The following DNAH3 variants were observed in gnomAD, a reference collection of about 807,000 sequenced individuals.
DNAH3 encodes the protein dynein axonemal heavy chain 3.
In DNAH3, 332 loss-of-function variants were observed where a neutral mutation model predicts 432.5. The observed-to-expected ratio is 0.77, with a 90% confidence interval of 0.70 to 0.84. DNAH3 has a LOEUF of 0.84. Among genes scored for constraint, DNAH3 ranks in the 40% least tolerant of loss-of-function variants. DNAH3 has a pLI of 0.00. For synonymous variants in DNAH3, 1,956 were observed against 1,900.2 expected (o/e 1.03, Z -0.76); for missense variants, 4,861 against 5,114.0 (o/e 0.95, Z 1.51).
At chr16:21,131,226 A>T (rs112633609) in intron 7 of DNAH3, among the ~76,000 whole-genome samples, 2,892 of 152,120 alleles carry the variant, frequency 0.019, 100 homozygotes, top group African/African-American at 0.065. Context: ...AGTCCCAGCT[A>T]CTTGGGAGGC....
chr16:21,012,549 C>T (rs73538208), intron 41 of DNAH3, among the ~76,000 whole-genome samples: 2,648 of 152,220 alleles, frequency 0.017, 72 homozygotes, highest in African/African-American at 0.06. Flanking sequence ...ATATCACAGT[C>T]GGATACTTCA....
At chr16:20,953,464 A>G (rs776808159) in intron 55 of DNAH3, among the ~76,000 whole-genome samples, 6 of 151,996 alleles carry the variant, frequency 3.9e-5, no homozygotes, top group African/African-American at 7.2e-5. Context: ...CAGGTTCAAT[A>G]GAGAAGTTTA....
At chr16:21,109,254 G>A (rs2092016308) in intron 14 of DNAH3, among the ~76,000 whole-genome samples, 1 of 152,178 alleles carries the variant, frequency 6.6e-6, no homozygotes, top group Admixed American at 6.5e-5. Flanking sequence ...AAAGCTGCTT[G>A]CACATGGACT....
chr16:20,975,399 C>T, exon 51 of DNAH3: 2 of 1,614,004 alleles, frequency 1.2e-6, no homozygotes, highest in Non-Finnish European at 1.7e-6. Context: ...TGTCAGTTCT[C>T]TTTGCATAAC....
chr16:21,143,874 G>C (rs2092750502), intron 3 of DNAH3, among the ~76,000 whole-genome samples: 1 of 152,206 alleles, frequency 6.6e-6, no homozygotes, highest in African/African-American at 2.4e-5. Flanking sequence ...TGGAAAGATA[G>C]TCATTTAAAC....
At chr16:21,040,485 C>G (rs1158282296) in intron 32 of DNAH3, among the ~76,000 whole-genome samples, 1 of 150,866 alleles carries the variant, frequency 6.6e-6, no homozygotes, top group Non-Finnish European at 1.5e-5. Flanking sequence ...GTGCCTCAGC[C>G]TCCCAAACAC....
intron 19 of DNAH3, among the ~76,000 whole-genome samples, chr16:21,084,947 C>A (rs528903462): frequency 1.3e-5 from 2 of 152,272 alleles, no homozygotes; most frequent in South Asian, 2.1e-4. Flanking sequence ...ACCTGTCCCA[C>A]CTAAGCTCCC....
rs1409702447 is a variant in DNAH3 at position 21,064,870 on chromosome 16, T to G, written c.3519-2187A>C. ...ATAAATATTGAGGTAGGTGTGTGTG[T>G]GTGTGTGTGTGTGTGTGTGTGTGTG... On this transcript the variant is annotated intron_variant, in intron 24 of 61. Coordinates refer to ENST00000261383, the Ensembl canonical transcript of DNAH3. Among the ~76,000 whole-genome samples, 79 of 124,776 alleles carry G rather than the reference T, an allele frequency of 6.3e-4. 1 individual carries two copies. Among genetic ancestry groups the G allele is most frequent in the Middle Eastern group, 4.3e-3 (1 of 232 alleles). The allele number at this position is 124,776 out of a possible 152,430, so 81.9% of individuals were successfully genotyped here.
intron 35 of DNAH3, among the ~76,000 whole-genome samples, chr16:21,035,520 T>C (rs1227458484): frequency 6.6e-6 from 1 of 152,098 alleles, no homozygotes; most frequent in Non-Finnish European, 1.5e-5. Context: ...CTTTGAAATA[T>C]ATCAAAAAGT....
chr16:20,951,365 C>T (rs898330656), intron 56 of DNAH3, among the ~76,000 whole-genome samples: 1 of 151,924 alleles, frequency 6.6e-6, no homozygotes, highest in African/African-American at 2.4e-5. Context: ...ATCATCTCCT[C>T]CTCCTACCCC....
At chr16:20,937,529 CTTTTTTT>C (rs71377696) in intron 59 of DNAH3, among the ~76,000 whole-genome samples, 1 of 121,342 alleles carries the variant, frequency 8.2e-6, no homozygotes, top group East Asian at 2.3e-4. Context: ...CAAAGTTGTT[CTTTTTTT>C]TTTTTTTTTT....
chr16:21,129,154 TCTC>T (rs1207784610), intron 7 of DNAH3: 1 of 152,354 alleles, frequency 6.6e-6, no homozygotes, highest in African/African-American at 2.4e-5. Context: ...CCCCTCCCCA[TCTC>T]CTCTCCTACC....
At chr16:21,071,854 C>T (rs2090795308) in intron 21 of DNAH3, among the ~76,000 whole-genome samples, 1 of 152,114 alleles carries the variant, frequency 6.6e-6, no homozygotes, top group African/African-American at 2.4e-5. Flanking sequence ...ATTCCTGCTT[C>T]TTCACTTGCT....
chr16:20,953,799 C>T (rs754690805), intron 55 of DNAH3, among the ~76,000 whole-genome samples: 7 of 151,088 alleles, frequency 4.6e-5, no homozygotes, highest in African/African-American at 7.3e-5. Context: ...GTTTGGAGTG[C>T]AGTGGCACAA....
At position 20,957,800 on chromosome 16, in the gene DNAH3, T is replaced by C. The variant is rs2084631507; in HGVS notation, c.10826+1379A>G. Among the ~76,000 whole-genome samples the C allele has an allele frequency of 5.3e-5, 3 of 56,622 alleles. No individual in the cohort carries two copies. In the South Asian group the frequency reaches 1.8e-3, roughly 35 times the overall value. 37.1% of individuals were successfully genotyped at this position (56,622 alleles called of 152,430 possible). Reference sequence around the variant, plus strand: ...CCAGCCTGGGCAATAAGAGCGAAACTCCATCTCCAAAAAAAAAAAAAAAAA... The same window carrying C: ...CCAGCCTGGGCAATAAGAGCGAAACCCCATCTCCAAAAAAAAAAAAAAAAA... On this transcript the variant is annotated intron_variant, in intron 54 of 61. Coordinates refer to ENST00000261383, the Ensembl canonical transcript of DNAH3.
intron 49 of DNAH3, among the ~76,000 whole-genome samples, chr16:20,981,395 T>C (rs143097795): frequency 4.6e-5 from 7 of 152,320 alleles, no homozygotes; most frequent in Non-Finnish European, 1.0e-4. Context: ...CCATTGACAC[T>C]CTTACCCCTA....
chr16:20,963,102 C>T (rs1330461032), intron 53 of DNAH3, among the ~76,000 whole-genome samples, 182 bp downstream of exon 53: 3 of 152,166 alleles, frequency 2.0e-5, no homozygotes, highest in South Asian at 2.1e-4. Flanking sequence ...TTTGTGGATG[C>T]GGAGTAGCAG....
chr16:20,985,528 G>A lies in DNAH3; in HGVS notation c.7214C>T (p.Ser2405Phe), dbSNP rs1256531265. Residue 2405 changes from serine (S) to phenylalanine (F), a missense_variant, in exon 48 of 62, where the codon TCC becomes TTC. Ser to Phe is a radical substitution (Grantham distance 155, BLOSUM62 -2). Transcript: ENST00000261383. ...AATGGCAAACCTGAACATGACCAGG[G>A]ACATGGGGGCCTTGCTGATGTTGTT... 7 of 1,614,192 alleles carry A rather than the reference G, an allele frequency of 4.3e-6. No individual in the cohort carries two copies. In the Admixed American group the frequency reaches 1.0e-4, roughly 23 times the overall value.
chr16:21,138,205 G>A (rs1222702285), intron 5 of DNAH3, among the ~76,000 whole-genome samples: 1 of 151,454 alleles, frequency 6.6e-6, no homozygotes, highest in African/African-American at 2.4e-5. Flanking sequence ...GCAAGATCAC[G>A]CCACAGCATT....
Sources: gnomAD v4.1 joint callset for allele counts (sites outside exome capture counted in the v4.1 genomes callset) on GRCh38, gnomAD v4.1.1 for gene constraint, MANE v1.5 for transcripts, NCBI Gene and HGNC (gene_info 2026-07-23, HGNC 2026-07-21) for gene names.